Variants in XRCC2 observed in about 807,000 individuals in gnomAD.
XRCC2 encodes the protein DNA repair protein XRCC2.
A neutral mutation model predicts 27.3 loss-of-function variants in XRCC2; 24 were observed. The ratio of observed to expected loss-of-function variants is 0.88; its 90% CI spans 0.64 to 1.24. The LOEUF (loss-of-function observed/expected upper bound fraction) is 1.24. XRCC2 is among the 50% of genes most tolerant of loss of function. XRCC2 has a pLI of 0.00. For synonymous variants in XRCC2, 106 were observed against 115.4 expected (o/e 0.92, Z 0.52); for missense variants, 321 against 325.8 (o/e 0.99, Z 0.11).
chr7:152,663,466 C>A (rs1035376821), intron 1 of XRCC2, among the ~76,000 whole-genome samples: 2 of 149,690 alleles, frequency 1.3e-5, no homozygotes, highest in Non-Finnish European at 3.0e-5. Flanking sequence ...AATAATTTAA[C>A]CTTGCCCAAA....
intron 1 of XRCC2, among the ~76,000 whole-genome samples, chr7:152,674,359 T>C (rs1417101671): frequency 1.3e-5 from 2 of 152,238 alleles, no homozygotes; most frequent in Admixed American, 6.6e-5. Context: ...CTCACACCTG[T>C]AATCCCAGCA....
intron 2 of XRCC2, among the ~76,000 whole-genome samples, chr7:152,653,966 C>A (rs1464688119): frequency 6.6e-6 from 1 of 152,014 alleles, no homozygotes; most frequent in Non-Finnish European, 1.5e-5. Flanking sequence ...GAGGCTGAGG[C>A]AGGTGGATCA....
rs530664762 is a variant in XRCC2 at position 152,663,346 on chromosome 7, TAAAAAAA to T, written c.40-2571_40-2565del. Among the ~76,000 whole-genome samples the T allele has an allele frequency of 1.8e-3, 145 of 80,908 alleles. 2 individuals are homozygous for T. Among genetic ancestry groups the T allele is most frequent in the African/African-American group, 5.3e-3 (118 of 22,380 alleles). 53.1% of individuals were successfully genotyped at this position (80,908 alleles called of 152,430 possible). The stretch of plus-strand genomic sequence containing the variant: ...GCTTTACGTAAGAATGTCTTTGAAG[TAAAAAAA>T]AAAAAAAAAAAAAAAAAAAAGACTG... On this transcript the variant is annotated intron_variant, in intron 1 of 2. Coordinates refer to ENST00000359321, the MANE Select transcript of XRCC2 (RefSeq NM_005431.2).
At position 152,644,900 on chromosome 7, in the gene XRCC2, CAGTT is replaced by C. The variant is rs1369700572; in HGVS notation, c.*3738_*3741del. ...CACGTGATGTTAACATCGTTCTCAA[CAGTT>C]AGCCGAAGATTCATTCGATGAGTCC... On this transcript the variant is annotated 3_prime_UTR_variant, in exon 3 of 3. Transcript: ENST00000359321. The C allele has an allele frequency of 6.6e-6, 1 of 152,198 alleles. No individual in the cohort carries two copies. The highest frequency in any genetic ancestry group is 2.4e-5 in the African/African-American group (1 of 41,432). The allele number at this position is 152,198 out of a possible 1,614,324, so 9.4% of individuals were successfully genotyped here. A position where few individuals can be genotyped will look rare whatever the true frequency, so the allele number is the denominator to read the frequency against.
chr7:152,659,306 G>A (rs1006181381), intron 2 of XRCC2, among the ~76,000 whole-genome samples: 1 of 152,104 alleles, frequency 6.6e-6, no homozygotes, highest in African/African-American at 2.4e-5. Flanking sequence ...TAAAACTCAG[G>A]AGAGAAACAG....
rs200794364 is a variant in XRCC2 at position 152,674,705 on chromosome 7, T to TATATATTTTAAATATATATTA, written c.39+1335_39+1336insTAATATATATTTAAAATATAT. 9.7e-5 allele frequency among the ~76,000 whole-genome samples: 2 copies of TATATATTTTAAATATATATTA among 20,696 alleles called. 1 individual carries two copies. The highest frequency in any genetic ancestry group is 5.8e-4 in the African/African-American group (2 of 3,460). The allele number at this position is 20,696 out of a possible 152,430, so 13.6% of individuals were successfully genotyped here. On this transcript the variant is annotated intron_variant, in intron 1 of 2. Coordinates refer to ENST00000359321, the MANE Select transcript of XRCC2 (RefSeq NM_005431.2). Reference sequence around the variant, plus strand: ...TATAAATATATTTTTAAATATATATTTATATAATATATTTTTAAATATATA... The same window carrying TATATATTTTAAATATATATTA: ...TATAAATATATTTTTAAATATATATTATATATTTTAAATATATATTATATATAATATATTTTTAAATATATA...
chr7:152,648,922 C>A lies in XRCC2; in HGVS notation c.563G>T (p.Arg188Leu), dbSNP rs3218536. The A allele has an allele frequency of 1.2e-6, 2 of 1,614,068 alleles. No individual in the cohort carries two copies. Among genetic ancestry groups the A allele is most frequent in the Non-Finnish European group, 1.7e-6 (2 of 1,180,004 alleles). The change falls in exon 3 of 3, where the codon CGC becomes CTC. Residue 188 changes from arginine (R) to leucine (L), a missense_variant. By Grantham distance (102) the Arg-to-Leu change is moderately radical. Coordinates refer to ENST00000359321, the MANE Select transcript of XRCC2 (RefSeq NM_005431.2). Reference protein sequence around the residue: ...QCLEKLVNDYRLVLFATTQTI... With the variant: ...QCLEKLVNDYLLVLFATTQTI... ...TTGTGTCGTTGCAAAAAGAACCAGG[C>A]GATAGTCATTTACAAGCTTCTCTAA...
rs1064793473 is a variant in XRCC2 at position 152,649,094 on chromosome 7, A to G, written c.391T>C (p.Tyr131His). The change falls in exon 3 of 3, where the codon TAC (tyrosine) becomes CAC (histidine). Residue 131 changes from tyrosine (Y) to histidine (H), a missense_variant. Transcript: ENST00000359321. ...SSSTHLLLTL[Y>H]SLESMFCSHP... ...CTACAAAACATACTTTCTAGTGAGT[A>G]AAGTGTAAGAAGTAAGTGGGTGCTA... 1.2e-6 allele frequency: 2 copies of G among 1,614,204 alleles called. No homozygotes were observed. Among genetic ancestry groups the G allele is most frequent in the South Asian group, 1.1e-5 (1 of 91,086 alleles).
intron 1 of XRCC2, among the ~76,000 whole-genome samples, chr7:152,673,695 G>A (rs546599198): frequency 3.9e-5 from 6 of 152,028 alleles, no homozygotes; most frequent in African/African-American, 1.4e-4. Flanking sequence ...GTGAAACCCG[G>A]TCTCTGCTAA....
rs1237056336 is a variant in XRCC2, at chr7:152,645,716, AACTAATGTTT to A, written c.*2916_*2925del. ...GAGACACTTCTAATATTTCACTATT[AACTAATGTTT>A]ACTGAGGGATTTTTGTATATACCTT... On this transcript the variant is annotated 3_prime_UTR_variant, in exon 3 of 3. Transcript: ENST00000359321. 7.9e-5 allele frequency: 12 copies of A among 152,196 alleles called. No homozygotes were observed. The highest frequency in any genetic ancestry group is 2.9e-4 in the African/African-American group (12 of 41,446). 9.4% of individuals were successfully genotyped at this position (152,196 alleles called of 1,614,324 possible). A position where few individuals can be genotyped will look rare whatever the true frequency, so the allele number is the denominator to read the frequency against.
intron 1 of XRCC2, among the ~76,000 whole-genome samples, chr7:152,673,278 G>A (rs182234771): frequency 2.0e-5 from 3 of 152,164 alleles, no homozygotes; most frequent in East Asian, 1.9e-4. Flanking sequence ...CGCCTCCCGG[G>A]TTCAAGCAGT....
At chr7:152,660,863 A>C (rs1414466186) in intron 1 of XRCC2, 81 bp from the exon 2 acceptor site, 4 of 1,242,092 alleles carry the variant, frequency 3.2e-6, no homozygotes, top group Non-Finnish European at 4.5e-6. Flanking sequence ...ATTTTCCGAA[A>C]GTCTGTAAGA....
In XRCC2 at chr7:152,649,333, C is replaced by T. The variant is rs1590129803; in HGVS notation, c.152G>A (p.Gly51Glu). The change falls in exon 3 of 3, where the codon GGA becomes GAA. Residue 51 changes from glycine to glutamate, a missense_variant. Physicochemically the swap from Gly to Glu is moderately conservative, Grantham distance 98 (BLOSUM62 -2). Coordinates refer to ENST00000359321, the MANE Select transcript of XRCC2 (RefSeq NM_005431.2). ...ATAAAGCATTTCTGTTTTTCCTGTTCCTTCTGGGCCATGAAATTCAAGAAT... is the reference window on the plus strand; with the variant it reads ...ATAAAGCATTTCTGTTTTTCCTGTTTCTTCTGGGCCATGAAATTCAAGAAT... ...GDILEFHGPE[G>E]TGKTEMLYHL... The T allele has an allele frequency of 6.3e-7, 1 of 1,593,620 alleles. No individual in the cohort carries two copies.
intron 1 of XRCC2, among the ~76,000 whole-genome samples, chr7:152,661,257 TACTG>T (rs2098032965): frequency 3.3e-5 from 5 of 152,236 alleles, no homozygotes; most frequent in Admixed American, 2.6e-4. Context: ...ATCTACCAAA[TACTG>T]ACAGTATAAA....
At chr7:152,661,688 C>T (rs997924089) in intron 1 of XRCC2, among the ~76,000 whole-genome samples, 3 of 152,198 alleles carry the variant, frequency 2.0e-5, no homozygotes, top group African/African-American at 4.8e-5. Context: ...CCCAGGGAAG[C>T]CCTACAAGAG....
intron 1 of XRCC2, among the ~76,000 whole-genome samples, chr7:152,661,075 G>A (rs780878036): frequency 5.3e-5 from 8 of 152,126 alleles, no homozygotes; most frequent in Non-Finnish European, 1.0e-4. Flanking sequence ...GAGGTGGGAA[G>A]ATCACTTGAG....
chr7:152,656,868 T>C (rs1563028861), intron 2 of XRCC2, among the ~76,000 whole-genome samples: 2 of 152,150 alleles, frequency 1.3e-5, no homozygotes. Context: ...GCAGGCTGAA[T>C]GAAAGGACAC....
chr7:152,659,535 A>C (rs2098032162), intron 2 of XRCC2, among the ~76,000 whole-genome samples: 1 of 152,170 alleles, frequency 6.6e-6, no homozygotes, highest in South Asian at 2.1e-4. Flanking sequence ...ATTTGCCAAT[A>C]AGCCTGTGCA....
intron 2 of XRCC2, among the ~76,000 whole-genome samples, chr7:152,656,723 A>G (rs2116995620): frequency 1.3e-5 from 2 of 152,352 alleles, no homozygotes; most frequent in South Asian, 4.1e-4. Context: ...GCTCACCTTA[A>G]TAATATCCTT....
Sources: allele counts gnomAD v4.1 joint callset (sites outside exome capture counted in the v4.1 genomes callset), GRCh38; gene constraint gnomAD v4.1.1; transcripts MANE v1.5; gene names NCBI Gene and HGNC (gene_info 2026-07-23, HGNC 2026-07-21).